Variants in INPP4B observed in about 807,000 individuals in gnomAD.
INPP4B encodes the protein inositol polyphosphate 4-phosphatase type II.
Under a neutral mutation model 122.5 loss-of-function variants are expected in INPP4B, and 55 were observed. The observed-to-expected ratio is 0.45, with a 90% confidence interval of 0.36 to 0.56. INPP4B has a LOEUF of 0.56. INPP4B is among the 20% of genes least tolerant of loss of function. The pLI, the probability that INPP4B is intolerant of heterozygous loss-of-function variation, is 0.00. For synonymous variants in INPP4B, 403 were observed against 388.7 expected (o/e 1.04, Z -0.43); for missense variants, 1,000 against 1,097.7 (o/e 0.91, Z 1.26).
chr4:142,682,059 A>G (rs1355113229), intron 2 of INPP4B, among the ~76,000 whole-genome samples: 1 of 151,920 alleles, frequency 6.6e-6, no homozygotes, highest in African/African-American at 2.4e-5. Flanking sequence ...TGTGAGTTCT[A>G]GCCTTATCCT....
intron 2 of INPP4B, among the ~76,000 whole-genome samples, chr4:142,627,830 C>A (rs1057464839): frequency 3.9e-5 from 6 of 152,024 alleles, no homozygotes; most frequent in African/African-American, 7.2e-5. Context: ...AGAAATGGTA[C>A]CAGTTCCTCC....
At chr4:142,711,155 G>T in intron 2 of INPP4B, among the ~76,000 whole-genome samples, 1 of 152,110 alleles carries the variant, frequency 6.6e-6, no homozygotes, top group East Asian at 1.9e-4. Context: ...TCAGATCAAA[G>T]GTTTTGATTC....
At chr4:142,813,084 T>A (rs1171900152) in intron 1 of INPP4B, among the ~76,000 whole-genome samples, 1 of 152,190 alleles carries the variant, frequency 6.6e-6, no homozygotes. Context: ...AGTCTCGCTA[T>A]AGAAGGAATT....
intron 10 of INPP4B, among the ~76,000 whole-genome samples, chr4:142,263,094 G>GCTGAA (rs1740874460): frequency 6.6e-6 from 1 of 152,116 alleles, no homozygotes; most frequent in African/African-American, 2.4e-5. Context: ...TAAGGCAGGG[G>GCTGAA]CTGAACTAAA....
intron 2 of INPP4B, among the ~76,000 whole-genome samples, chr4:142,682,033 G>C (rs1758698193): frequency 6.6e-6 from 1 of 151,620 alleles, no homozygotes; most frequent in South Asian, 2.1e-4. Context: ...TTGTATCCTT[G>C]TTCTTCTAAG....
intron 7 of INPP4B, among the ~76,000 whole-genome samples, chr4:142,357,780 T>A (rs1233294043): frequency 6.6e-6 from 1 of 152,052 alleles, no homozygotes; most frequent in Non-Finnish European, 1.5e-5. Context: ...CTTAACTAGT[T>A]GTAATTATTT....
At chr4:142,425,657 G>A (rs192200165) in intron 5 of INPP4B, among the ~76,000 whole-genome samples, 284 of 151,936 alleles carry the variant, frequency 1.9e-3, no homozygotes, top group African/African-American at 6.6e-3. Context: ...GCACCTAGAG[G>A]TCTTCTTTGA....
At chr4:142,414,953 TC>T (rs1170234586) in intron 5 of INPP4B, among the ~76,000 whole-genome samples, 1 of 152,124 alleles carries the variant, frequency 6.6e-6, no homozygotes, top group East Asian at 1.9e-4. Context: ...GGAAAGCAGG[TC>T]CCCCTGAATA....
chr4:142,120,292 GTTC>G, intron 21 of INPP4B, among the ~76,000 whole-genome samples: 1 of 151,960 alleles, frequency 6.6e-6, no homozygotes, highest in East Asian at 1.9e-4. Context: ...TTTCCACTTT[GTTC>G]TTCTTTTACA....
At chr4:142,567,339 C>T (rs1346996292) in intron 2 of INPP4B, among the ~76,000 whole-genome samples, 1 of 152,080 alleles carries the variant, frequency 6.6e-6, no homozygotes, top group African/African-American at 2.4e-5. Context: ...AGCACAGCTG[C>T]CCTGACAGGA....
chr4:142,839,322 G>A (rs1370440860), intron 1 of INPP4B, among the ~76,000 whole-genome samples: 1 of 152,080 alleles, frequency 6.6e-6, no homozygotes, highest in African/African-American at 2.4e-5. Context: ...GCCTGGCATG[G>A]TAGTGTGCGC....
intron 1 of INPP4B, among the ~76,000 whole-genome samples, chr4:142,746,045 A>T (rs1308850399): frequency 1.3e-5 from 2 of 151,924 alleles, no homozygotes; most frequent in African/African-American, 4.8e-5. Context: ...TTTATTCTTT[A>T]TTTCTTTATT....
At chr4:142,270,868 T>G (rs1340176624) in intron 9 of INPP4B, 94 bp from the exon 10 acceptor site, 2 of 787,034 alleles carry the variant, frequency 2.5e-6, no homozygotes, top group Non-Finnish European at 4.4e-6. Flanking sequence ...CCACCAGCAT[T>G]GTTATTTACT....
intron 5 of INPP4B, among the ~76,000 whole-genome samples, chr4:142,407,047 A>G (rs1042429004): frequency 6.6e-6 from 1 of 152,324 alleles, no homozygotes; most frequent in African/African-American, 2.4e-5. Flanking sequence ...GTTTTAAAAA[A>G]TACTGGTGCC....
At chr4:142,397,599 G>C (rs796419627) in intron 7 of INPP4B, among the ~76,000 whole-genome samples, 20 of 152,242 alleles carry the variant, frequency 1.3e-4, no homozygotes, top group African/African-American at 4.6e-4. Flanking sequence ...CAGCACTTTG[G>C]GAGGCCGAAG....
chr4:142,722,232 AGG>A (rs1485572193), intron 2 of INPP4B, among the ~76,000 whole-genome samples: 3 of 152,164 alleles, frequency 2.0e-5, no homozygotes, highest in South Asian at 4.1e-4. Context: ...TAAGGGAGAA[AGG>A]GAGTTGTAAT....
chr4:142,671,164 A>T (rs1272864225), intron 2 of INPP4B, among the ~76,000 whole-genome samples: 1 of 152,132 alleles, frequency 6.6e-6, no homozygotes, highest in East Asian at 1.9e-4. Flanking sequence ...GGCTTGTCAT[A>T]TGGAAAATCA....
At chr4:142,506,542 C>G (rs878919947) in intron 2 of INPP4B, among the ~76,000 whole-genome samples, 1 of 152,076 alleles carries the variant, frequency 6.6e-6, no homozygotes, top group Non-Finnish European at 1.5e-5. Context: ...GGCACCGTAC[C>G]GACTTACAAG....
chr4:142,781,091 A>G (rs1260656549), intron 1 of INPP4B, among the ~76,000 whole-genome samples: 1 of 152,198 alleles, frequency 6.6e-6, no homozygotes, highest in Non-Finnish European at 1.5e-5. Flanking sequence ...AACTTGGCAG[A>G]TTCTCAACAA....
Sources: allele counts gnomAD v4.1 joint callset (sites outside exome capture counted in the v4.1 genomes callset), GRCh38; gene constraint gnomAD v4.1.1; transcripts MANE v1.5; gene names NCBI Gene and HGNC (gene_info 2026-07-23, HGNC 2026-07-21).